PIGL: variants seen among roughly 807,000 people sequenced by gnomAD.
PIGL encodes phosphatidylinositol glycan anchor biosynthesis class L.
Under a neutral mutation model 31.1 loss-of-function variants are expected in PIGL, and 22 were observed. The observed-to-expected ratio is 0.71, with a 90% confidence interval of 0.51 to 1.01. PIGL has a LOEUF of 1.01. PIGL is among the 50% of genes least tolerant of loss of function. The pLI, the probability that PIGL is intolerant of heterozygous loss-of-function variation, is 0.00. For synonymous variants in PIGL, 131 were observed against 117.4 expected, an observed-to-expected ratio of 1.12 and a Z score of -0.75; for missense variants, 302 against 315.9, an observed-to-expected ratio of 0.96 and a Z score of 0.33.
At position 16,320,396 on chromosome 17, in the gene PIGL, G is replaced by A. The variant is rs548656691; in HGVS notation, c.660+2488G>A. Among the ~76,000 whole-genome samples, 6 of 135,342 alleles carry A rather than the reference G, an allele frequency of 4.4e-5. No individual in the cohort carries two copies. The East Asian group carries it at 1.2e-3, about 27-fold the overall frequency. 88.8% of individuals were successfully genotyped at this position (135,342 alleles called of 152,430 possible). On this transcript the variant is annotated intron_variant, in intron 6 of 6. Transcript: ENST00000225609. ...AGGAAAGAAGGAAGAAAGAAAGAGA[G>A]GGGAGGGAGAGAAAAGGAGAGAGGA...
chr17:16,285,520 G>A (rs2092933750), intron 2 of PIGL, among the ~76,000 whole-genome samples: 1 of 152,124 alleles, frequency 6.6e-6, no homozygotes, highest in Non-Finnish European at 1.5e-5. Context: ...GGGCGGCAGA[G>A]GTTGCGCCAC....
At chr17:16,321,153 G>C (rs942933027) in intron 6 of PIGL, among the ~76,000 whole-genome samples, 3 of 150,416 alleles carry the variant, frequency 2.0e-5, no homozygotes, top group Non-Finnish European at 4.4e-5. Flanking sequence ...GGCCAGGTTG[G>C]TCTTGAACTC....
chr17:16,223,387 G>A (rs1316376711), intron 1 of PIGL, among the ~76,000 whole-genome samples: 3 of 151,832 alleles, frequency 2.0e-5, no homozygotes, highest in South Asian at 2.1e-4. Context: ...GACCAGCCTG[G>A]CAAACACGGC....
chr17:16,236,725 GC>G (rs1417514811), intron 2 of PIGL, among the ~76,000 whole-genome samples: 1 of 151,558 alleles, frequency 6.6e-6, no homozygotes, highest in African/African-American at 2.4e-5. Context: ...ACGCCACCAT[GC>G]CCAGCTAATT....
At chr17:16,324,638 C>T (rs973408167) in intron 6 of PIGL, among the ~76,000 whole-genome samples, 1 of 152,140 alleles carries the variant, frequency 6.6e-6, no homozygotes, top group Non-Finnish European at 1.5e-5. Flanking sequence ...GGATTACAGG[C>T]GTGAGCCTCC....
chr17:16,321,656 C>G (rs758433039), intron 6 of PIGL, among the ~76,000 whole-genome samples: 1 of 152,074 alleles, frequency 6.6e-6, no homozygotes, highest in Non-Finnish European at 1.5e-5. Context: ...ATAGTGCATT[C>G]GTTTTTGTAT....
At position 16,266,061 on chromosome 17, in the gene PIGL, C is replaced by A. The variant is rs115074751; in HGVS notation, c.335+31991C>A. Among the ~76,000 whole-genome samples, 1,394 of 152,162 alleles carry A rather than the reference C, an allele frequency of 9.2e-3. 29 individuals carry two copies. The highest frequency in any genetic ancestry group is 0.032 in the African/African-American group (1,332 of 41,534). ...AAGATAAAGTATCTGGCTGTCATGA[C>A]TCTTTCTAGAAAAATCTCAGTGCTG... On this transcript the variant is annotated intron_variant, in intron 2 of 6. Transcript: ENST00000225609.
At position 16,262,128 on chromosome 17, in the gene PIGL, C is replaced by T. The variant is rs183930569; in HGVS notation, c.335+28058C>T. On this transcript the variant is annotated intron_variant, in intron 2 of 6. Transcript: ENST00000225609. Reference sequence around the variant, plus strand: ...ATCCCATCTACTCAAGAGGCTGAGGCGGGAGAATCACTTGAACCCGGGAAG... The same window carrying T: ...ATCCCATCTACTCAAGAGGCTGAGGTGGGAGAATCACTTGAACCCGGGAAG... Among the ~76,000 whole-genome samples, 53 of 152,090 alleles carry T rather than the reference C, an allele frequency of 3.5e-4. 3 individuals carry two copies. In the East Asian group the frequency reaches 8.0e-3, roughly 23 times the overall value.
In PIGL at chr17:16,236,828, C is replaced by G. The variant is rs1361811077; in HGVS notation, c.335+2758C>G. On this transcript the variant is annotated intron_variant, in intron 2 of 6. Coordinates refer to ENST00000225609, the MANE Select transcript of PIGL (RefSeq NM_004278.4). ...AGGTGACCTGCCTGCCTCAGCCTCC[C>G]AAAGTGTTGGGATTACAGGCATGAG... Among the ~76,000 whole-genome samples the G allele has an allele frequency of 2.0e-5, 3 of 152,202 alleles. No individual in the cohort carries two copies. In the East Asian group the frequency reaches 5.8e-4, roughly 29 times the overall value.
intron 2 of PIGL, among the ~76,000 whole-genome samples, chr17:16,294,005 C>G (rs1265764691): frequency 6.6e-6 from 1 of 152,120 alleles, no homozygotes; most frequent in Admixed American, 6.5e-5. Flanking sequence ...CTGTGTCATA[C>G]CTGATAGCAG....
chr17:16,312,161 G>C (rs1357664888), intron 3 of PIGL, among the ~76,000 whole-genome samples: 3 of 150,214 alleles, frequency 2.0e-5, no homozygotes, highest in African/African-American at 7.4e-5. Flanking sequence ...CTCCCTCCCG[G>C]ACGGGGCGGC....
chr17:16,319,767 A>G (rs1348155751), intron 6 of PIGL, among the ~76,000 whole-genome samples: 3 of 151,838 alleles, frequency 2.0e-5, no homozygotes, highest in African/African-American at 7.3e-5. Context: ...AAAAAAAAAA[A>G]AAAAGAGCCC....
At chr17:16,223,130 A>T (rs2092636864) in intron 1 of PIGL, among the ~76,000 whole-genome samples, 1 of 152,200 alleles carries the variant, frequency 6.6e-6, no homozygotes. Context: ...ATCTTTGAGA[A>T]GCATTGCTGT....
intron 2 of PIGL, among the ~76,000 whole-genome samples, chr17:16,284,793 C>T (rs957294835): frequency 6.6e-6 from 1 of 152,136 alleles, no homozygotes; most frequent in Non-Finnish European, 1.5e-5. Context: ...CTACGGGAGA[C>T]TGATTTGAGT....
chr17:16,310,007 G>A (rs1206189036), intron 3 of PIGL, among the ~76,000 whole-genome samples: 3 of 140,922 alleles, frequency 2.1e-5, no homozygotes, highest in Non-Finnish European at 4.5e-5. Context: ...GAACCCAGGA[G>A]ACAGAGGTTG....
At position 16,326,023 on chromosome 17, in the gene PIGL, A is replaced by C; in HGVS notation, c.*125A>C. 1.5e-6 allele frequency: 1 copy of C among 683,654 alleles called. No homozygotes were observed. Among genetic ancestry groups the C allele is most frequent in the East Asian group, 2.7e-5 (1 of 37,604 alleles). The allele number at this position is 683,654 out of a possible 1,614,324, so 42.3% of individuals were successfully genotyped here. A position where few individuals can be genotyped will look rare whatever the true frequency, so the allele number is the denominator to read the frequency against. ...AGATCCCCGCTGGAGCAGCCTCTGCAAAAGGGAGCCCATGTAGGCCAGGGG... is the reference window on the plus strand; with the variant it reads ...AGATCCCCGCTGGAGCAGCCTCTGCCAAAGGGAGCCCATGTAGGCCAGGGG... On this transcript the variant is annotated 3_prime_UTR_variant, in exon 7 of 7. Transcript: ENST00000225609.
intron 6 of PIGL, among the ~76,000 whole-genome samples, chr17:16,323,453 C>T (rs573669467): frequency 1.1e-4 from 16 of 151,580 alleles, no homozygotes; most frequent in African/African-American, 3.6e-4. Flanking sequence ...AGGCTGGTCT[C>T]GAACTCCTGA....
chr17:16,219,065 A>ATTTTTTTTTTT (rs766541353), intron 1 of PIGL, among the ~76,000 whole-genome samples: 37 of 81,618 alleles, frequency 4.5e-4, no homozygotes, highest in African/African-American at 1.5e-3. Flanking sequence ...TTTTTTATAA[A>ATTTTTTTTTTT]TTTTTTTTTT....
chr17:16,267,895 C>T (rs1295320428), intron 2 of PIGL, among the ~76,000 whole-genome samples: 2 of 152,008 alleles, frequency 1.3e-5, no homozygotes, highest in African/African-American at 4.8e-5. Flanking sequence ...CCAGGCTCTC[C>T]TGGTGGAGGC....
Sources: gnomAD v4.1 joint callset for allele counts (sites outside exome capture counted in the v4.1 genomes callset) on GRCh38, gnomAD v4.1.1 for gene constraint, MANE v1.5 for transcripts, NCBI Gene and HGNC (gene_info 2026-07-23, HGNC 2026-07-21) for gene names.